The following ODF2L variants were observed in gnomAD, a reference collection of about 807,000 sequenced individuals.
The protein encoded by ODF2L is protein BCAP.
ODF2L carries 76 observed loss-of-function variants against 86.3 expected under a neutral mutation model. The observed-to-expected ratio is 0.88, with a 90% CI of 0.73 to 1.07. ODF2L has a LOEUF of 1.07. Ranked by LOEUF, ODF2L falls within the 50% of genes least tolerant of loss-of-function variation. ODF2L has a pLI of 0.00. For synonymous variants in ODF2L, 241 were observed against 231.3 expected, an observed-to-expected ratio of 1.04 and a Z score of -0.38; for missense variants, 748 against 717.4, an observed-to-expected ratio of 1.04 and a Z score of -0.49.
intron 12 of ODF2L, among the ~76,000 whole-genome samples, chr1:86,359,519 CTTTTTTTTT>C (rs5775904): frequency 4.2e-5 from 4 of 95,120 alleles, no homozygotes; most frequent in Admixed American, 1.2e-4. Context: ...TTAGTTCATT[CTTTTTTTTT>C]TTTTTTTTTT....
intron 11 of ODF2L, among the ~76,000 whole-genome samples, chr1:86,361,105 T>C (rs1659003063): frequency 6.6e-6 from 1 of 152,210 alleles, no homozygotes; most frequent in Non-Finnish European, 1.5e-5. Flanking sequence ...AAAGAAGATA[T>C]GTAGAAATGT....
intron 16 of ODF2L, 111 bp from the exon 16 acceptor site, chr1:86,353,095 A>G: frequency 1.5e-6 from 1 of 686,468 alleles, no homozygotes; most frequent in African/African-American, 1.8e-5. Flanking sequence ...TGTATGTTAT[A>G]TCCAAGTTTA....
rs747546247 is a variant in ODF2L, at chr1:86,354,672, G to C, written c.1625C>G (p.Ala542Gly). The change falls in exon 16 of 18, where the codon GCA becomes GGA. Residue 542 changes from alanine (A) to glycine (G), a missense_variant. By Grantham distance (60) the Ala-to-Gly change is moderately conservative (BLOSUM62 0). Transcript: ENST00000317336. ...CTTCTTCTCAAGCTCTTTATTTTCT[G>C]CGTCCATCTGTTCTAATTTTCTTTT... The C allele has an allele frequency of 4.3e-6, 7 of 1,609,592 alleles. No homozygotes were observed. In the South Asian group the frequency reaches 7.8e-5, roughly 18 times the overall value.
chr1:86,394,437 C>A (rs1661560715), intron 1 of ODF2L, among the ~76,000 whole-genome samples: 1 of 148,284 alleles, frequency 6.7e-6, no homozygotes, highest in Non-Finnish European at 1.5e-5. Flanking sequence ...CCATGAGATA[C>A]TAAAACATAA....
chr1:86,355,519 T>TCTCAGGAA, intron 14 of ODF2L: 1 of 618,880 alleles, frequency 1.6e-6, no homozygotes, highest in Non-Finnish European at 2.9e-6. Context: ...AAACTAAAAT[T>TCTCAGGAA]TTGTCTGCAT....
chr1:86,372,303 A>G, intron 9 of ODF2L, 128 bp downstream of exon 9: 1 of 395,730 alleles, frequency 2.5e-6, no homozygotes, highest in Non-Finnish European at 4.5e-6. Flanking sequence ...TAGCAAAAAT[A>G]TCAAATCATA....
chr1:86,353,225 C>T (rs916388664), intron 16 of ODF2L, among the ~76,000 whole-genome samples: 2 of 152,100 alleles, frequency 1.3e-5, no homozygotes, highest in Admixed American at 6.6e-5. Flanking sequence ...TTCACTGCTC[C>T]GTGACTTAGG....
At chr1:86,376,278 A>AAGT (rs751347643) in exon 8 of ODF2L, 77 of 1,612,612 alleles carry the variant, frequency 4.8e-5, no homozygotes, top group Non-Finnish European at 4.9e-5. Context: ...CTCCTGTAAA[A>AAGT]TGGTCAAGCC....
rs1042152496 is a variant in ODF2L at position 86,382,869 on chromosome 1, G to GA, written c.507+61dup. Reference sequence around the variant, plus strand: ...TTCTGAGGAGTTGGGGCCAGGATGGGAAAAAAAAGGGAGTCAATATTAATA... The same window carrying GA: ...TTCTGAGGAGTTGGGGCCAGGATGGGAAAAAAAAAGGGAGTCAATATTAATA... On this transcript the variant is annotated intron_variant, in intron 6 of 17. Coordinates refer to ENST00000317336, the Ensembl canonical transcript of ODF2L. 125 of 806,432 alleles carry GA rather than the reference G, an allele frequency of 1.6e-4. 1 individual carries two copies. The highest frequency in any genetic ancestry group is 2.1e-4 in the Non-Finnish European group (98 of 465,914). The allele number at this position is 806,432 out of a possible 1,614,324, so 50.0% of individuals were successfully genotyped here. A position where few individuals can be genotyped will look rare whatever the true frequency, so the allele number is the denominator to read the frequency against.
downstream of ODF2L, chr1:86,349,004 T>G (rs1369368791): frequency 9.9e-7 from 1 of 1,012,296 alleles, no homozygotes; most frequent in Non-Finnish European, 1.3e-6. Context: ...AAAATAATAC[T>G]CACATCTGAT....
intron 17 of ODF2L, 50 bp downstream of exon 16, chr1:86,352,809 G>C (rs1570343063): frequency 8.8e-7 from 1 of 1,136,246 alleles, no homozygotes. Flanking sequence ...TACATGGTAA[G>C]AATGTTAAAT....
chr1:86,358,730 A>G (rs1658779161), intron 13 of ODF2L, 57 bp downstream of exon 12: 1 of 674,584 alleles, frequency 1.5e-6, no homozygotes. Flanking sequence ...GAATTTGTGT[A>G]CTATTCATAA....
chr1:86,379,266 T>A (rs564832790), intron 7 of ODF2L, among the ~76,000 whole-genome samples: 101 of 152,312 alleles, frequency 6.6e-4, no homozygotes, highest in African/African-American at 2.4e-3. Flanking sequence ...TAAAATGGCC[T>A]AATACAATAA....
chr1:86,377,859 G>A (rs1386850655), intron 7 of ODF2L, among the ~76,000 whole-genome samples: 2 of 152,194 alleles, frequency 1.3e-5, no homozygotes, highest in Non-Finnish European at 2.9e-5. Context: ...GAAGACCTCT[G>A]ACATACCCCA....
At chr1:86,378,438 C>T (rs1415928540) in intron 7 of ODF2L, among the ~76,000 whole-genome samples, 1 of 152,198 alleles carries the variant, frequency 6.6e-6, no homozygotes, top group Non-Finnish European at 1.5e-5. Flanking sequence ...GTCATTTCCA[C>T]ATTTTTGGGT....
chr1:86,382,241 C>A lies in ODF2L; in HGVS notation c.624+1G>T, dbSNP rs750589198. ...AAAATGGATATATATTTATATATAA[C>A]CTTTACATATTCTTTCAACTTATCG... On this transcript the variant is annotated splice_donor_variant, in intron 7 of 17. Transcript: ENST00000317336. LOFTEE classifies it high-confidence loss of function. 7.0e-5 allele frequency: 113 copies of A among 1,605,378 alleles called. No individual in the cohort carries two copies. The highest frequency in any genetic ancestry group is 9.5e-5 in the Non-Finnish European group (112 of 1,176,894).
downstream of ODF2L, chr1:86,348,677 TTTA>T: frequency 8.2e-7 from 1 of 1,222,018 alleles, no homozygotes; most frequent in Non-Finnish European, 1.1e-6. Flanking sequence ...TGGTAGTATA[TTTA>T]TTTTTTTACC....
At chr1:86,375,905 C>T (rs2098193773) in intron 8 of ODF2L, among the ~76,000 whole-genome samples, 1 of 152,036 alleles carries the variant, frequency 6.6e-6, no homozygotes, top group South Asian at 2.1e-4. Context: ...TAACATAGAC[C>T]ACAATGTCCC....
chr1:86,362,343 G>A (rs1015693069), intron 11 of ODF2L, among the ~76,000 whole-genome samples: 2 of 151,824 alleles, frequency 1.3e-5, no homozygotes, highest in Non-Finnish European at 2.9e-5. Context: ...GCCCAAGCTG[G>A]AGGGCAATAG....
Sources: gnomAD v4.1 joint callset for allele counts (sites outside exome capture counted in the v4.1 genomes callset) on GRCh38, gnomAD v4.1.1 for gene constraint, MANE v1.5 for transcripts, NCBI Gene and HGNC (gene_info 2026-07-23, HGNC 2026-07-21) for gene names.